Variants in ROBO1 observed in about 807,000 individuals in gnomAD.
The protein encoded by ROBO1 is roundabout homolog 1.
In ROBO1, 149 loss-of-function variants were observed where a neutral mutation model predicts 195.9. The observed-to-expected ratio is 0.76, with a 90% CI of 0.67 to 0.87. ROBO1 has a LOEUF of 0.87. Ranked by LOEUF, ROBO1 falls within the 40% of genes least tolerant of loss-of-function variation. The probability of loss-of-function intolerance (pLI) is 0.00; values close to 1 mark genes in which losing one functional copy is unlikely to be tolerated. For missense variants in ROBO1, 1,933 were observed against 2,068.3 expected, an observed-to-expected ratio of 0.93 and a Z score of 1.27; for synonymous variants, 816 against 733.2, an observed-to-expected ratio of 1.11 and a Z score of -1.82.
intron 4 of ROBO1, among the ~76,000 whole-genome samples, chr3:78,896,658 C>CAAAAAAAAAAAA (rs142287501): frequency 4.6e-5 from 3 of 65,926 alleles, no homozygotes; most frequent in African/African-American, 1.3e-4. Flanking sequence ...TTGTTGCTCA[C>CAAAAAAAAAAAA]AAAAAAAAAA....
At chr3:79,756,573 A>T (rs997345674) in intron 1 of ROBO1, among the ~76,000 whole-genome samples, 1 of 148,346 alleles carries the variant, frequency 6.7e-6, no homozygotes, top group Non-Finnish European at 1.5e-5. Context: ...AAAAAAAAAA[A>T]GTAGAGATAT....
chr3:79,367,792 A>G (rs893892886), intron 2 of ROBO1, among the ~76,000 whole-genome samples: 3 of 152,200 alleles, frequency 2.0e-5, no homozygotes, highest in Non-Finnish European at 4.4e-5. Context: ...AAGTATTACG[A>G]GTTTCGTAGC....
chr3:78,927,501 A>C (rs1460690425), intron 4 of ROBO1, among the ~76,000 whole-genome samples: 3 of 152,196 alleles, frequency 2.0e-5, no homozygotes, highest in Non-Finnish European at 4.4e-5. Flanking sequence ...GAGATCCCTT[A>C]CTCGTGTATC....
At chr3:78,613,828 G>A (rs910031508) in intron 28 of ROBO1, among the ~76,000 whole-genome samples, 1 of 152,120 alleles carries the variant, frequency 6.6e-6, no homozygotes, top group Non-Finnish European at 1.5e-5. Context: ...TTGCTGACTG[G>A]TAATGAAAGT....
chr3:79,084,561 G>C (rs1236723397), intron 3 of ROBO1, among the ~76,000 whole-genome samples: 1 of 152,142 alleles, frequency 6.6e-6, no homozygotes, highest in African/African-American at 2.4e-5. Context: ...AAAATTTAGT[G>C]AGTGTTTTCT....
chr3:79,253,977 G>A (rs917684999), intron 2 of ROBO1, among the ~76,000 whole-genome samples: 14 of 152,246 alleles, frequency 9.2e-5, no homozygotes, highest in African/African-American at 3.4e-4. Context: ...GTTTTCTAGT[G>A]TGCCTTGTTA....
At chr3:79,445,786 C>T (rs1274620650) in intron 2 of ROBO1, among the ~76,000 whole-genome samples, 1 of 151,820 alleles carries the variant, frequency 6.6e-6, no homozygotes, top group Non-Finnish European at 1.5e-5. Context: ...CTCAGCCTCC[C>T]GAGTAGCTGG....
intron 4 of ROBO1, among the ~76,000 whole-genome samples, chr3:78,862,581 C>T (rs1216226715): frequency 6.6e-6 from 1 of 152,098 alleles, no homozygotes; most frequent in African/African-American, 2.4e-5. Context: ...AATACTACAA[C>T]AAATTAAAAG....
At chr3:79,474,911 T>A (rs1007468434) in intron 2 of ROBO1, among the ~76,000 whole-genome samples, 11 of 152,200 alleles carry the variant, frequency 7.2e-5, no homozygotes, top group African/African-American at 2.6e-4. Context: ...TTGTTTTTTG[T>A]TAATTTCTGT....
At chr3:78,882,566 A>G (rs1035128550) in intron 4 of ROBO1, among the ~76,000 whole-genome samples, 4 of 152,096 alleles carry the variant, frequency 2.6e-5, no homozygotes, top group African/African-American at 9.7e-5. Flanking sequence ...TCTCCACTGC[A>G]TCTTTCTGTC....
intron 2 of ROBO1, among the ~76,000 whole-genome samples, chr3:79,279,409 G>C (rs1335470038): frequency 6.6e-6 from 1 of 152,092 alleles, no homozygotes; most frequent in Non-Finnish European, 1.5e-5. Context: ...TCAACGAAAT[G>C]CAAATCAATA....
rs1945439635 is a variant in ROBO1 at position 79,634,518 on chromosome 3, A to T, written c.-50-44557T>A. Reference sequence around the variant, plus strand: ...TTGACAATACAGTAAATTTTCTTATAATCTGAAGAAGAAAGGATTGCTAAA... The same window carrying T: ...TTGACAATACAGTAAATTTTCTTATTATCTGAAGAAGAAAGGATTGCTAAA... On this transcript the variant is annotated intron_variant, in intron 1 of 30. Transcript: ENST00000464233. Among the ~76,000 whole-genome samples the T allele has an allele frequency of 2.0e-5, 3 of 152,232 alleles. No individual in the cohort carries two copies. The South Asian group carries it at 6.2e-4, about 31-fold the overall frequency.
intron 2 of ROBO1, among the ~76,000 whole-genome samples, chr3:79,211,729 TGTTTGGTTCTG>T (rs1361187956): frequency 6.6e-6 from 1 of 151,726 alleles, no homozygotes; most frequent in African/African-American, 2.4e-5. Context: ...AGAGCTATTC[TGTTTGGTTCTG>T]GATCAGAACA....
chr3:79,735,641 C>A (rs921465463), intron 1 of ROBO1, among the ~76,000 whole-genome samples: 2 of 152,042 alleles, frequency 1.3e-5, no homozygotes, highest in African/African-American at 4.8e-5. Context: ...GAGGCCGAGG[C>A]GGGTGGATCA....
chr3:79,353,318 T>C (rs763182043), intron 2 of ROBO1, among the ~76,000 whole-genome samples: 2 of 151,688 alleles, frequency 1.3e-5, no homozygotes, highest in Admixed American at 6.6e-5. Flanking sequence ...ATGATTAAGG[T>C]AGAAATATAG....
At chr3:78,699,040 C>G (rs562046595) in intron 8 of ROBO1, among the ~76,000 whole-genome samples, 2 of 152,234 alleles carry the variant, frequency 1.3e-5, no homozygotes, top group Admixed American at 1.3e-4. Context: ...ACTTAGAAAG[C>G]CAGAAACCTA....
intron 2 of ROBO1, among the ~76,000 whole-genome samples, chr3:79,509,879 T>C (rs1267947786): frequency 6.6e-6 from 1 of 152,172 alleles, no homozygotes; most frequent in East Asian, 1.9e-4. Flanking sequence ...CTGATTTCCA[T>C]TGTCAGGCGT....
At chr3:79,745,179 T>C (rs1466897660) in intron 1 of ROBO1, among the ~76,000 whole-genome samples, 1 of 152,148 alleles carries the variant, frequency 6.6e-6, no homozygotes, top group Admixed American at 6.5e-5. Flanking sequence ...ATCACCACAT[T>C]GTCCTTGGTT....
At position 78,598,129 on chromosome 3, in the gene ROBO1, C is replaced by T. The variant is rs1198686177; in HGVS notation, c.*784G>A. On this transcript the variant is annotated 3_prime_UTR_variant, in exon 31 of 31. Coordinates refer to ENST00000464233, the MANE Select transcript of ROBO1 (RefSeq NM_002941.4). Reference sequence around the variant, plus strand: ...TAAAAACATCCACTTGTTTGTAATACGTATTTATAATTACTTTTTGATGAT... The same window carrying T: ...TAAAAACATCCACTTGTTTGTAATATGTATTTATAATTACTTTTTGATGAT... 3.9e-5 allele frequency: 6 copies of T among 152,574 alleles called. No homozygotes were observed. Among genetic ancestry groups the T allele is most frequent in the South Asian group, 2.1e-4 (1 of 4,820 alleles). 9.5% of individuals were successfully genotyped at this position (152,574 alleles called of 1,614,324 possible).
Sources: gnomAD v4.1 joint callset for allele counts (sites outside exome capture counted in the v4.1 genomes callset) on GRCh38, gnomAD v4.1.1 for gene constraint, MANE v1.5 for transcripts, NCBI Gene and HGNC (gene_info 2026-07-23, HGNC 2026-07-21) for gene names.